Variants in ARHGAP23 observed in about 807,000 individuals in gnomAD.
ARHGAP23 encodes rho GTPase-activating protein 23.
Under a neutral mutation model 136.3 loss-of-function variants are expected in ARHGAP23, and 34 were observed. The ratio of observed to expected loss-of-function variants is 0.25; its 90% CI spans 0.19 to 0.33. ARHGAP23 has a LOEUF of 0.33. ARHGAP23 is among the 10% of genes least tolerant of loss of function. The pLI, the probability that ARHGAP23 is intolerant of heterozygous loss-of-function variation, is 1.00. For missense variants in ARHGAP23, 1,808 were observed against 2,139.0 expected (o/e 0.85, Z 3.05); for synonymous variants, 832 against 920.5 (o/e 0.90, Z 1.74).
intron 1 of ARHGAP23, among the ~76,000 whole-genome samples, chr17:38,420,575 G>A (rs1368856355): frequency 6.6e-6 from 1 of 152,164 alleles, no homozygotes; most frequent in Non-Finnish European, 1.5e-5. Context: ...AGGAGGAGTG[G>A]AGGGTGAGGA....
rs199696750 is a variant in ARHGAP23 at position 38,501,435 on chromosome 17, G to A, written c.3447+807G>A. Among the ~76,000 whole-genome samples the A allele has an allele frequency of 2.6e-4, 40 of 152,128 alleles. No homozygotes were observed. The East Asian group carries it at 5.4e-3, about 21-fold the overall frequency. The stretch of plus-strand genomic sequence containing the variant: ...TCCTGCCTCAGCCTCCCGAGTAGCT[G>A]GGACTACAGGCGCCCACCATCACGT... On this transcript the variant is annotated intron_variant, in intron 23 of 23. Coordinates refer to ENST00000622683, the MANE Select transcript of ARHGAP23 (RefSeq NM_001199417.2).
chr17:38,501,218 AT>A (rs1208796217), intron 23 of ARHGAP23: 2 of 151,530 alleles, frequency 1.3e-5, no homozygotes, highest in African/African-American at 4.8e-5. Context: ...GACTAACAGA[AT>A]AAAAAGAAAG....
chr17:38,446,782 C>T (rs555744670), intron 1 of ARHGAP23, among the ~76,000 whole-genome samples: 1 of 151,960 alleles, frequency 6.6e-6, no homozygotes, highest in Non-Finnish European at 1.5e-5. Context: ...ATTTCCATAG[C>T]AACTCCACCA....
rs1485207500 is a variant in ARHGAP23 at position 38,510,927 on chromosome 17, G to A, written c.4431G>A (p.Gln1477=). 1 of 1,472,566 alleles carries A rather than the reference G, an allele frequency of 6.8e-7. No individual in the cohort carries two copies. Among genetic ancestry groups the A allele is most frequent in the East Asian group, 2.8e-5 (1 of 35,152 alleles). The allele number at this position is 1,472,566 out of a possible 1,614,324, so 91.2% of individuals were successfully genotyped here. Residue 1477 remains glutamine, a synonymous_variant, in exon 24 of 24, where the codon CAG becomes CAA. Transcript: ENST00000622683. This position sits in a 1 kb window ranked among gnomAD's most constrained non-coding sequence, Gnocchi z 4.6. The part of the protein sequence containing the change: ...APGDTGSLQS[Q]PPRRSAASRL... ...GGGACACGGGGTCCCTGCAGAGCCA[G>A]CCCCCGCGCCGCTCGGCCGCCTCCC...
chr17:38,469,288 C>G lies in ARHGAP23; in HGVS notation c.1793C>G (p.Ser598Trp). The change falls in exon 8 of 24, where the codon TCG becomes TGG. Residue 598 changes from serine (S) to tryptophan (W), a missense_variant. Ser to Trp is a radical substitution (Grantham distance 177). Transcript: ENST00000622683. Reference protein sequence around the residue: ...TFTFTLGRHYSQDCSSIKAGR... With the variant: ...TFTFTLGRHYWQDCSSIKAGR... Reference sequence around the variant, plus strand: ...ACTTTCACCCTCGGACGCCATTACTCGCAGGACTGCAGTGAGCACTCCCCA... The same window carrying G: ...ACTTTCACCCTCGGACGCCATTACTGGCAGGACTGCAGTGAGCACTCCCCA... The G allele has an allele frequency of 6.4e-7, 1 of 1,550,908 alleles. No homozygotes were observed.
chr17:38,466,604 C>G lies in ARHGAP23; in HGVS notation c.921C>G (p.Ala307=), dbSNP rs1275146451. 2 of 1,513,128 alleles carry G rather than the reference C, an allele frequency of 1.3e-6. No homozygotes were observed. The highest frequency in any genetic ancestry group is 4.9e-5 in the East Asian group (2 of 40,682). 93.7% of individuals were successfully genotyped at this position (1,513,128 alleles called of 1,614,324 possible). A position where few individuals can be genotyped will look rare whatever the true frequency, so the allele number is the denominator to read the frequency against. The stretch of plus-strand genomic sequence containing the variant: ...GGGCGGGGGAGAGACGGTGCCCAGC[C>G]ATGGCCCCCCGGGCCCGCAGCGCCT... ...PRRAGERRCP[A]MAPRARSASQ... is the part of the protein sequence containing the mutation. Residue 307 remains alanine, a synonymous_variant, in exon 7 of 24, where the codon GCC becomes GCG. Coordinates refer to ENST00000622683, the MANE Select transcript of ARHGAP23 (RefSeq NM_001199417.2).
At chr17:38,471,642 G>T (rs2039761201) in intron 10 of ARHGAP23, among the ~76,000 whole-genome samples, 1 of 152,220 alleles carries the variant, frequency 6.6e-6, no homozygotes, top group African/African-American at 2.4e-5. Flanking sequence ...CTGCTGACAG[G>T]TCGTAGCCTT....
chr17:38,493,928 G>T (rs1178274739), intron 20 of ARHGAP23, among the ~76,000 whole-genome samples: 1 of 152,160 alleles, frequency 6.6e-6, no homozygotes, highest in African/African-American at 2.4e-5. Flanking sequence ...ATTTGCTCAG[G>T]GACTCACTCA....
At position 38,471,899 on chromosome 17, in the gene ARHGAP23, G is replaced by T. The variant is rs1407438959; in HGVS notation, c.2011G>T (p.Ala671Ser). The T allele has an allele frequency of 1.9e-6, 3 of 1,549,018 alleles. No homozygotes were observed. The highest frequency in any genetic ancestry group is 2.6e-6 in the Non-Finnish European group (3 of 1,146,522). Residue 671 changes from alanine (A) to serine (S), a missense_variant, in exon 11 of 24, where the codon GCT (alanine) becomes TCT (serine). By Grantham distance (99) the Ala-to-Ser change is moderately conservative. Coordinates refer to ENST00000622683, the MANE Select transcript of ARHGAP23 (RefSeq NM_001199417.2). ...CTGGGGCACCTCTGAAGATGCTGAC[G>T]CTCCTTCTAAGCGACACTCAACCTC... ...DSWGTSEDADAPSKRHSTSDL... is the reference protein window; with the variant it reads ...DSWGTSEDADSPSKRHSTSDL...
intron 17 of ARHGAP23, 44 bp from the exon 18 acceptor site, chr17:38,490,058 A>G: frequency 2.0e-6 from 3 of 1,534,174 alleles, no homozygotes; most frequent in Non-Finnish European, 2.7e-6. Flanking sequence ...GAACAGGGGA[A>G]GGCGCTGCCC....
intron 23 of ARHGAP23, among the ~76,000 whole-genome samples, chr17:38,507,227 T>C (rs59672671): frequency 0.38 from 56,756 of 150,564 alleles, 11,517 homozygotes; most frequent in Admixed American, 0.5. Flanking sequence ...TGAACCGAGA[T>C]TGCGCCACCT....
At chr17:38,448,320 C>A (rs1307863468) in intron 1 of ARHGAP23, among the ~76,000 whole-genome samples, 1 of 152,138 alleles carries the variant, frequency 6.6e-6, no homozygotes, top group African/African-American at 2.4e-5. Flanking sequence ...TGAGTGTCTG[C>A]ATGTCTGAAT....
At chr17:38,423,140 A>G (rs1374894107) in intron 1 of ARHGAP23, among the ~76,000 whole-genome samples, 1 of 151,780 alleles carries the variant, frequency 6.6e-6, no homozygotes, top group African/African-American at 2.4e-5. Context: ...GAATATGGGG[A>G]CGGTTCCCTC....
At position 38,466,387 on chromosome 17, in the gene ARHGAP23, C is replaced by G; in HGVS notation, c.704C>G (p.Ala235Gly). 3.3e-6 allele frequency: 5 copies of G among 1,535,012 alleles called. No homozygotes were observed. In the South Asian group the frequency reaches 6.0e-5, roughly 18 times the overall value. ...WSDPGLRVPP[A>G]ARAHLDNSSL... ...GACCCGGGGCTCCGTGTGCCACCTG[C>G]TGCCCGTGCCCACCTGGACAACTCT... Residue 235 changes from alanine (A) to glycine (G), a missense_variant, in exon 7 of 24, where the codon GCT (alanine) becomes GGT (glycine). By Grantham distance (60) the Ala-to-Gly change is moderately conservative. This residue lies in a region of ARHGAP23 where 859 missense variants were observed against 936.4 expected (regional missense o/e 0.92). Coordinates refer to ENST00000622683, the MANE Select transcript of ARHGAP23 (RefSeq NM_001199417.2).
chr17:38,509,340 G>A (rs1200443336), intron 23 of ARHGAP23, among the ~76,000 whole-genome samples: 2 of 152,142 alleles, frequency 1.3e-5, no homozygotes, highest in African/African-American at 4.8e-5. Flanking sequence ...AGCTGGCGGC[G>A]GGATTGACCT....
At chr17:38,495,112 G>A (rs2040362601) in intron 20 of ARHGAP23, among the ~76,000 whole-genome samples, 1 of 152,126 alleles carries the variant, frequency 6.6e-6, no homozygotes, top group South Asian at 2.1e-4. Flanking sequence ...CTAGAAGGAG[G>A]TACTCACATC....
chr17:38,497,646 C>G (rs1237553406), intron 20 of ARHGAP23, 139 bp from the exon 21 acceptor site: 8 of 838,904 alleles, frequency 9.5e-6, no homozygotes, highest in Admixed American at 4.2e-5. Context: ...TCTGAGCCCT[C>G]TTTTGCAGCC....
At position 38,477,375 on chromosome 17, in the gene ARHGAP23, G is replaced by A. The variant is rs2039918835; in HGVS notation, c.2119-204G>A. On this transcript the variant is annotated intron_variant, in intron 11 of 23. Transcript: ENST00000622683. This position sits in a 1 kb window ranked among gnomAD's most constrained non-coding sequence, Gnocchi z 6.6. ...GGGGGGCTTTAGGATGATGGGTAGG[G>A]GTGTCTAGGCAGGCAAGGGGCTGAG... Among the ~76,000 whole-genome samples the A allele has an allele frequency of 6.6e-6, 1 of 152,056 alleles. No homozygotes were observed. Among genetic ancestry groups the A allele is most frequent in the South Asian group, 2.1e-4 (1 of 4,820 alleles).
chr17:38,462,821 A>G (rs1332143545), intron 3 of ARHGAP23, 25 bp from the exon 4 acceptor site: 1 of 1,479,476 alleles, frequency 6.8e-7, no homozygotes, highest in African/African-American at 1.4e-5. Flanking sequence ...AGCCACCCCC[A>G]GCTAACCTGG....
Sources: gnomAD v4.1 joint callset for allele counts (sites outside exome capture counted in the v4.1 genomes callset) on GRCh38, gnomAD v4.1.1 for gene constraint, gnomAD v4.1.1 regional missense constraint, Gnocchi (gnomAD v3.1) non-coding constraint, MANE v1.5 for transcripts, NCBI Gene and HGNC (gene_info 2026-07-23, HGNC 2026-07-21) for gene names.